Variants in ADAMTSL1 observed in about 807,000 individuals in gnomAD.
ADAMTSL1 encodes the protein ADAMTS-like protein 1.
A neutral mutation model predicts 201.8 loss-of-function variants in ADAMTSL1; 126 were observed. That is an observed-to-expected ratio of 0.62 (90% CI 0.54 to 0.72). The LOEUF is 0.72. ADAMTSL1 is among the 30% of genes least tolerant of loss of function. The probability of loss-of-function intolerance (pLI) is 0.00; values close to 1 mark genes in which losing one functional copy is unlikely to be tolerated. For synonymous variants in ADAMTSL1, 1,121 were observed against 903.4 expected, an observed-to-expected ratio of 1.24 and a Z score of -4.32; for missense variants, 2,679 against 2,277.8, an observed-to-expected ratio of 1.18 and a Z score of -3.59.
At chr9:18,198,989 C>T (rs1247906227) in intron 2 of ADAMTSL1, among the ~76,000 whole-genome samples, 6 of 141,414 alleles carry the variant, frequency 4.2e-5, no homozygotes, top group Non-Finnish European at 9.3e-5. Context: ...AATCATCATT[C>T]TCAGTAAACT....
At chr9:18,718,096 T>C in intron 14 of ADAMTSL1, 2 of 1,323,750 alleles carry the variant, frequency 1.5e-6, no homozygotes, top group Non-Finnish European at 2.2e-6. Flanking sequence ...TAGAAGAATC[T>C]AAGAATGCAC....
At chr9:18,278,993 G>A (rs1832688247) in intron 2 of ADAMTSL1, among the ~76,000 whole-genome samples, 1 of 152,050 alleles carries the variant, frequency 6.6e-6, no homozygotes, top group Non-Finnish European at 1.5e-5. Flanking sequence ...ATTGTGTTAT[G>A]TAGTGCTAGA....
At chr9:17,914,966 T>C (rs565928740) in intron 1 of ADAMTSL1, among the ~76,000 whole-genome samples, 54 of 152,310 alleles carry the variant, frequency 3.5e-4, no homozygotes, top group African/African-American at 1.3e-3. Context: ...CTTGCTGTTG[T>C]TTTTATTTAT....
At chr9:18,263,103 CT>C (rs1280391196) in intron 2 of ADAMTSL1, among the ~76,000 whole-genome samples, 1 of 152,132 alleles carries the variant, frequency 6.6e-6, no homozygotes, top group Non-Finnish European at 1.5e-5. Flanking sequence ...TGTTATTTAT[CT>C]TTTTCATCAC....
At chr9:18,152,310 TAGA>T (rs1274244771) in intron 1 of ADAMTSL1, among the ~76,000 whole-genome samples, 1 of 151,710 alleles carries the variant, frequency 6.6e-6, no homozygotes, top group African/African-American at 2.4e-5. Flanking sequence ...GAGATTTTAG[TAGA>T]AGGAGATAGG....
intron 15 of ADAMTSL1, chr9:18,723,247 C>G: frequency 1.6e-6 from 1 of 626,828 alleles, no homozygotes; most frequent in Non-Finnish European, 2.9e-6. Context: ...CATTAAACAG[C>G]TACTCCTGCT....
chr9:18,355,712 A>C (rs897235065), intron 2 of ADAMTSL1, among the ~76,000 whole-genome samples: 1 of 152,236 alleles, frequency 6.6e-6, no homozygotes, highest in Non-Finnish European at 1.5e-5. Context: ...AAATTAAAAA[A>C]TTAAAAAATG....
chr9:18,558,124 A>G (rs2132261925), intron 3 of ADAMTSL1, among the ~76,000 whole-genome samples: 1 of 152,152 alleles, frequency 6.6e-6, no homozygotes, highest in East Asian at 1.9e-4. Flanking sequence ...CCCATCATCT[A>G]CATTAGTTAT....
intron 2 of ADAMTSL1, among the ~76,000 whole-genome samples, chr9:18,216,325 G>A (rs1259413064): frequency 1.3e-5 from 2 of 152,150 alleles, no homozygotes; most frequent in Non-Finnish European, 1.5e-5. Context: ...TTGTGGTATA[G>A]TATTTCATAA....
chr9:18,753,197 C>T (rs1819557198), intron 15 of ADAMTSL1, 101 bp from the exon 16 acceptor site: 2 of 1,190,752 alleles, frequency 1.7e-6, no homozygotes, highest in Non-Finnish European at 2.4e-6. Flanking sequence ...TGGCACTTCC[C>T]ACTTTCCCAG....
intron 2 of ADAMTSL1, among the ~76,000 whole-genome samples, chr9:18,237,316 G>A (rs1380225677): frequency 6.6e-6 from 1 of 152,150 alleles, no homozygotes; most frequent in Non-Finnish European, 1.5e-5. Flanking sequence ...ACATGACAGT[G>A]ATGTTTACAG....
At chr9:18,010,587 TG>T (rs1291460548) in intron 1 of ADAMTSL1, among the ~76,000 whole-genome samples, 1 of 151,944 alleles carries the variant, frequency 6.6e-6, no homozygotes, top group Admixed American at 6.6e-5. Flanking sequence ...GTCAATTCCA[TG>T]GGAAGTTAGA....
chr9:18,251,775 G>T (rs1025784472), intron 2 of ADAMTSL1, among the ~76,000 whole-genome samples: 6 of 152,160 alleles, frequency 3.9e-5, no homozygotes, highest in Admixed American at 1.3e-4. Context: ...CACAGAGAAA[G>T]ATATTGGTGC....
intron 7 of ADAMTSL1, among the ~76,000 whole-genome samples, chr9:18,652,265 G>A (rs193157317): frequency 5.5e-4 from 83 of 151,402 alleles, no homozygotes; most frequent in African/African-American, 2.0e-3. Context: ...CCAGCTACTC[G>A]GGAGGCTGAG....
At chr9:18,810,623 G>A (rs769271587) in intron 20 of ADAMTSL1, among the ~76,000 whole-genome samples, 1 of 152,158 alleles carries the variant, frequency 6.6e-6, no homozygotes, top group Non-Finnish European at 1.5e-5. Flanking sequence ...GGTTAAGCTT[G>A]GGTTATATGA....
At position 18,908,560 on chromosome 9, in the gene ADAMTSL1, G is replaced by A; in HGVS notation, c.*12G>A. On this transcript the variant is annotated 3_prime_UTR_variant, in exon 29 of 29. Transcript: ENST00000380548. ...GTGGCAAAGCGTGAAGATAGGGTGT[G>A]GGGAAAAACTCTACCCTGGCCACAC... 1.9e-6 allele frequency: 3 copies of A among 1,552,820 alleles called. No individual in the cohort carries two copies. The highest frequency in any genetic ancestry group is 1.7e-6 in the Non-Finnish European group (2 of 1,147,052).
At chr9:18,844,765 G>T (rs1825981537) in intron 23 of ADAMTSL1, among the ~76,000 whole-genome samples, 1 of 152,202 alleles carries the variant, frequency 6.6e-6, no homozygotes, top group Admixed American at 6.5e-5. Flanking sequence ...CCCCAGCCTT[G>T]CTGCCGCATT....
chr9:18,631,883 G>A (rs142159834), intron 5 of ADAMTSL1, among the ~76,000 whole-genome samples: 1 of 152,200 alleles, frequency 6.6e-6, no homozygotes, highest in Non-Finnish European at 1.5e-5. Flanking sequence ...GGAGAAATGG[G>A]TTATCTGGTA....
At chr9:18,612,121 G>A (rs1825411861) in intron 4 of ADAMTSL1, among the ~76,000 whole-genome samples, 1 of 152,194 alleles carries the variant, frequency 6.6e-6, no homozygotes, top group Non-Finnish European at 1.5e-5. Flanking sequence ...CAGGAAAGAA[G>A]TCAGAGGGAG....
Sources: gnomAD v4.1 joint callset for allele counts (sites outside exome capture counted in the v4.1 genomes callset) on GRCh38, gnomAD v4.1.1 for gene constraint, MANE v1.5 for transcripts, NCBI Gene and HGNC (gene_info 2026-07-23, HGNC 2026-07-21) for gene names.